PSMD14: variants seen among roughly 807,000 people sequenced by gnomAD.
PSMD14 encodes ubiquitin C-terminal hydrolase PSMD14.
PSMD14 carries 7 observed loss-of-function variants against 41.2 expected under a neutral mutation model. That is an observed-to-expected ratio of 0.17 (90% confidence interval 0.10 to 0.32). The LOEUF (loss-of-function observed/expected upper bound fraction) is 0.32. PSMD14 is among the 10% of genes least tolerant of loss of function. The pLI is 1.00. For synonymous variants in PSMD14, 114 were observed against 122.3 expected, an observed-to-expected ratio of 0.93 and a Z score of 0.45; for missense variants, 139 against 375.6, an observed-to-expected ratio of 0.37 and a Z score of 5.21.
intron 10 of PSMD14, among the ~76,000 whole-genome samples, chr2:161,398,992 A>G (rs1475544075): frequency 6.6e-6 from 1 of 152,128 alleles, no homozygotes; most frequent in African/African-American, 2.4e-5. Context: ...TTTAATCAAG[A>G]ATTATGTAGG....
chr2:161,376,637 G>C (rs1683506994), intron 7 of PSMD14, among the ~76,000 whole-genome samples: 1 of 151,838 alleles, frequency 6.6e-6, no homozygotes, highest in African/African-American at 2.4e-5. Context: ...CATTTTCTAA[G>C]ATATTTTCCT....
At chr2:161,387,536 A>C (rs751792850) in intron 8 of PSMD14, among the ~76,000 whole-genome samples, 3 of 151,996 alleles carry the variant, frequency 2.0e-5, no homozygotes, top group Non-Finnish European at 4.4e-5. Flanking sequence ...TTTTACTCTT[A>C]TACTTAGTAG....
intron 7 of PSMD14, among the ~76,000 whole-genome samples, chr2:161,377,568 T>C (rs1683519986): frequency 6.6e-6 from 1 of 152,026 alleles, no homozygotes; most frequent in South Asian, 2.1e-4. Flanking sequence ...GAAATAATTT[T>C]ACTTTTAAAA....
Position 161,326,372 on chromosome 2 carries a change from A to G in PSMD14, c.48+7499A>G, listed in dbSNP as rs935437435. On this transcript the variant is annotated intron_variant, in intron 3 of 11. Coordinates refer to ENST00000409682, the MANE Select transcript of PSMD14 (RefSeq NM_005805.6). ...TGCAGGTACACCCATTTGAATGGCT[A>G]TTATCCAAATTAAACAACAACAACA... Among the ~76,000 whole-genome samples, 46 of 152,182 alleles carry G rather than the reference A, an allele frequency of 3.0e-4. 1 individual carries two copies. Among genetic ancestry groups the G allele is most frequent in the African/African-American group, 1.0e-3 (43 of 41,428 alleles).
At chr2:161,337,222 G>GA (rs1682883908) in intron 3 of PSMD14, among the ~76,000 whole-genome samples, 1 of 152,114 alleles carries the variant, frequency 6.6e-6, no homozygotes. Flanking sequence ...AACTCAAGGG[G>GA]AAAAACAGTG....
chr2:161,403,122 G>A (rs1683902857), intron 10 of PSMD14, among the ~76,000 whole-genome samples: 1 of 152,174 alleles, frequency 6.6e-6, no homozygotes, highest in African/African-American at 2.4e-5. Flanking sequence ...GTTCACATTA[G>A]CTAAAGTTGG....
chr2:161,336,100 G>T (rs920923181), intron 3 of PSMD14, among the ~76,000 whole-genome samples: 5 of 151,900 alleles, frequency 3.3e-5, no homozygotes, highest in African/African-American at 9.7e-5. Flanking sequence ...CCCATTTTAG[G>T]TTTGTAAATA....
chr2:161,359,052 C>A (rs62194492), intron 3 of PSMD14, among the ~76,000 whole-genome samples: 10,286 of 152,174 alleles, frequency 0.068, 475 homozygotes, highest in East Asian at 0.17. Context: ...CACTACAGCC[C>A]CAGCCTCCTG....
intron 1 of PSMD14, among the ~76,000 whole-genome samples, chr2:161,310,539 T>C (rs565136005): frequency 6.6e-6 from 1 of 152,298 alleles, no homozygotes; most frequent in African/African-American, 2.4e-5. Context: ...GTGACCTTAT[T>C]TGTGAAATGG....
At chr2:161,348,836 T>C (rs1400777457) in intron 3 of PSMD14, among the ~76,000 whole-genome samples, 2 of 152,258 alleles carry the variant, frequency 1.3e-5, no homozygotes, top group Non-Finnish European at 2.9e-5. Flanking sequence ...TAGTGAACTA[T>C]TGTATTATTC....
At chr2:161,367,970 A>G (rs980840999) in intron 5 of PSMD14, 67 bp downstream of exon 5, 8 of 1,504,560 alleles carry the variant, frequency 5.3e-6, no homozygotes, top group Non-Finnish European at 6.3e-6. Flanking sequence ...TTCCTATGCA[A>G]ACTAACTCTC....
chr2:161,341,827 G>A (rs1207522493), intron 3 of PSMD14, among the ~76,000 whole-genome samples: 1 of 134,270 alleles, frequency 7.4e-6, no homozygotes, highest in Non-Finnish European at 1.6e-5. Flanking sequence ...GACAGAACAA[G>A]TCTCCTTCTC....
chr2:161,385,072 T>C (rs956680417), intron 7 of PSMD14: 1 of 153,172 alleles, frequency 6.5e-6, no homozygotes, highest in African/African-American at 2.4e-5. Flanking sequence ...GCTTTAGATG[T>C]GGTCCCTTAA....
chr2:161,377,380 G>A (rs1683517824), intron 7 of PSMD14, among the ~76,000 whole-genome samples: 1 of 151,800 alleles, frequency 6.6e-6, no homozygotes, highest in Admixed American at 6.6e-5. Flanking sequence ...TCTTTTGTTT[G>A]CTTCCTGTCT....
intron 3 of PSMD14, among the ~76,000 whole-genome samples, chr2:161,343,742 C>T (rs1038402530): frequency 2.0e-5 from 3 of 151,982 alleles, no homozygotes; most frequent in Non-Finnish European, 4.4e-5. Flanking sequence ...GCTGGAGAAT[C>T]GCTTGAGCCT....
intron 3 of PSMD14, among the ~76,000 whole-genome samples, chr2:161,360,386 C>T (rs1040741775): frequency 4.0e-5 from 6 of 150,358 alleles, no homozygotes; most frequent in Admixed American, 1.3e-4. Flanking sequence ...TTTTTTCACC[C>T]GCTCTGTCAC....
rs563204102 is a variant in PSMD14, at chr2:161,314,000, TCCTCCCAA to T, written c.-137-2436_-137-2429del. Among the ~76,000 whole-genome samples, 66 of 152,338 alleles carry T rather than the reference TCCTCCCAA, an allele frequency of 4.3e-4. 1 individual carries two copies. The South Asian group carries it at 0.013, about 31-fold the overall frequency. ...ACCATCCATATCCAGAATTTTTTCA[TCCTCCCAA>T]TTGCAATATTTTTGAAAACATTGAG... On this transcript the variant is annotated intron_variant, in intron 1 of 11. Coordinates refer to ENST00000409682, the MANE Select transcript of PSMD14 (RefSeq NM_005805.6).
At chr2:161,371,079 T>A in intron 6 of PSMD14, 93 bp from the exon 7 acceptor site, 1 of 1,374,694 alleles carries the variant, frequency 7.3e-7, no homozygotes, top group Non-Finnish European at 9.9e-7. Flanking sequence ...TCATCTCTTC[T>A]TAATTTATAC....
chr2:161,374,674 A>G (rs1247280356), intron 7 of PSMD14, among the ~76,000 whole-genome samples: 1 of 151,992 alleles, frequency 6.6e-6, no homozygotes, highest in South Asian at 2.1e-4. Context: ...CTCAAGTGGC[A>G]CAGTGGGGAC....
Sources: allele counts gnomAD v4.1 joint callset (sites outside exome capture counted in the v4.1 genomes callset), GRCh38; gene constraint gnomAD v4.1.1; transcripts MANE v1.5; gene names NCBI Gene and HGNC (gene_info 2026-07-23, HGNC 2026-07-21).